The following HBS1L variants were observed in gnomAD, a reference collection of about 807,000 sequenced individuals.
The protein encoded by HBS1L is HBS1-like protein.
A neutral mutation model predicts 88.9 loss-of-function variants in HBS1L; 55 were observed. That is an observed-to-expected ratio of 0.62 (90% CI 0.50 to 0.77). The LOEUF (loss-of-function observed/expected upper bound fraction) is 0.77. HBS1L is among the 30% of genes least tolerant of loss of function. HBS1L has a pLI of 0.00. For missense variants in HBS1L, 741 were observed against 829.3 expected, an observed-to-expected ratio of 0.89 and a Z score of 1.31; for synonymous variants, 267 against 288.5, an observed-to-expected ratio of 0.93 and a Z score of 0.76.
intron 1 of HBS1L, 58 bp from the exon 2 acceptor site, chr6:135,050,705 A>G: frequency 9.3e-7 from 1 of 1,075,692 alleles, no homozygotes; most frequent in Non-Finnish European, 1.4e-6. Flanking sequence ...ATTCTTAGTT[A>G]CTAGTGAGGA....
At position 134,982,442 on chromosome 6, in the gene HBS1L, T is replaced by C; in HGVS notation, c.1597+16A>G. 1 of 1,502,760 alleles carries C rather than the reference T, an allele frequency of 6.7e-7. No individual in the cohort carries two copies. Among genetic ancestry groups the C allele is most frequent in the Non-Finnish European group, 9.3e-7 (1 of 1,080,946 alleles). The allele number at this position is 1,502,760 out of a possible 1,614,324, so 93.1% of individuals were successfully genotyped here. Reference sequence around the variant, plus strand: ...ACTTAAGGCTTGTTTAGCAAAAGCATCTTGCAGATAAATACCTTTCACGGT... The same window carrying C: ...ACTTAAGGCTTGTTTAGCAAAAGCACCTTGCAGATAAATACCTTTCACGGT... On this transcript the variant is annotated intron_variant, in intron 13 of 17. Transcript: ENST00000367837.
Position 135,040,344 on chromosome 6 carries a change from C to CTT in HBS1L, c.236-579_236-578dup, listed in dbSNP as rs71006751. On this transcript the variant is annotated intron_variant, in intron 3 of 17. Transcript: ENST00000367837. ...GGAGATTAAGGGGAGGATAGGCATT[C>CTT]TTTTTTTTTTTTTTTTTTTTTTTTG... 5.5e-3 allele frequency among the ~76,000 whole-genome samples: 604 copies of CTT among 109,942 alleles called. 4 individuals are homozygous for CTT. The highest frequency in any genetic ancestry group is 9.3e-3 in the South Asian group (28 of 3,020). 72.1% of individuals were successfully genotyped at this position (109,942 alleles called of 152,430 possible). A position where few individuals can be genotyped will look rare whatever the true frequency, so the allele number is the denominator to read the frequency against.
intron 16 of HBS1L, among the ~76,000 whole-genome samples, chr6:134,968,438 G>C (rs1326690812): frequency 6.6e-6 from 1 of 151,842 alleles, no homozygotes; most frequent in African/African-American, 2.4e-5. Flanking sequence ...TAGTAGAGAC[G>C]GGGTTTCGCC....
At chr6:135,002,315 T>C (rs935988917) in intron 5 of HBS1L, among the ~76,000 whole-genome samples, 1 of 152,186 alleles carries the variant, frequency 6.6e-6, no homozygotes, top group Non-Finnish European at 1.5e-5. Flanking sequence ...TTATTCAATA[T>C]GAAAATCCAA....
intron 4 of HBS1L, among the ~76,000 whole-genome samples, chr6:135,009,788 T>TGC (rs1008231212): frequency 1.2e-4 from 17 of 145,594 alleles, no homozygotes; most frequent in African/African-American, 4.2e-4. Flanking sequence ...TGCCCGCCAC[T>TGC]GCGCCCAGCT....
intron 15 of HBS1L, among the ~76,000 whole-genome samples, chr6:134,969,630 T>C (rs895458621): frequency 1.3e-5 from 2 of 152,166 alleles, no homozygotes; most frequent in Admixed American, 1.3e-4. Context: ...GGTAACAACA[T>C]CTTAGTGTTG....
chr6:134,990,916 C>T (rs1775114746), intron 8 of HBS1L, among the ~76,000 whole-genome samples: 1 of 152,086 alleles, frequency 6.6e-6, no homozygotes, highest in African/African-American at 2.4e-5. Context: ...GTATTTTTTA[C>T]TACAACTGCT....
chr6:135,022,561 C>T (rs1449294105), intron 4 of HBS1L, among the ~76,000 whole-genome samples: 4 of 152,144 alleles, frequency 2.6e-5, no homozygotes, highest in Non-Finnish European at 5.9e-5. Flanking sequence ...TAAACCACTT[C>T]CTTTACAAAG....
intron 8 of HBS1L, among the ~76,000 whole-genome samples, chr6:134,992,830 T>G (rs1435341223): frequency 6.6e-6 from 1 of 152,216 alleles, no homozygotes; most frequent in Admixed American, 6.5e-5. Context: ...TAGTGTCCCC[T>G]GAGTGTACAG....
intron 2 of HBS1L, among the ~76,000 whole-genome samples, chr6:135,042,349 T>C (rs2114910693): frequency 6.6e-6 from 1 of 152,256 alleles, no homozygotes; most frequent in Middle Eastern, 3.4e-3. Context: ...CTTCCTTCTT[T>C]CCCCCAATCT....
chr6:134,979,475 AAAGTGACTTG>A (rs751971890), intron 13 of HBS1L: 1 of 484,376 alleles, frequency 2.1e-6, no homozygotes, highest in Non-Finnish European at 3.7e-6. Flanking sequence ...CCCTAAACAT[AAAGTGACTTG>A]TATTTGCCCA....
chr6:135,009,759 G>A (rs1180963431), intron 4 of HBS1L, among the ~76,000 whole-genome samples: 5 of 151,502 alleles, frequency 3.3e-5, no homozygotes, highest in East Asian at 1.9e-4. Context: ...TCAGCCTCCC[G>A]AGTAGCTGGG....
chr6:134,999,945 T>A (rs1287477792), intron 5 of HBS1L, among the ~76,000 whole-genome samples: 1 of 152,218 alleles, frequency 6.6e-6, no homozygotes, highest in East Asian at 1.9e-4. Context: ...AATGACCATT[T>A]GGATTTCAGG....
rs370700245 is a variant in HBS1L at position 134,989,799 on chromosome 6, T to C, written c.1084-2008A>G. The stretch of plus-strand genomic sequence containing the variant: ...TAAAACTGAACATTAATTTCCTCAA[T>C]GAGATCCAGCTCTTTTGATCAAGGA... On this transcript the variant is annotated intron_variant, in intron 8 of 17. Coordinates refer to ENST00000367837, the MANE Select transcript of HBS1L (RefSeq NM_006620.4). Among the ~76,000 whole-genome samples, 214 of 152,294 alleles carry C rather than the reference T, an allele frequency of 1.4e-3. 2 individuals carry two copies. The South Asian group carries it at 0.021, about 15-fold the overall frequency.
Position 135,054,561 on chromosome 6 carries a change from G to T in HBS1L, c.43+88C>A, listed in dbSNP as rs1216987882. ...AATCCCGACAGGGCAACACTGACGA[G>T]AAACTCACAGATTGAAGTGGATGCC... On this transcript the variant is annotated intron_variant, in intron 1 of 17. Coordinates refer to ENST00000367837, the MANE Select transcript of HBS1L (RefSeq NM_006620.4). The T allele has an allele frequency of 2.7e-6, 4 of 1,479,750 alleles. No homozygotes were observed. In the African/African-American group the frequency reaches 5.5e-5, roughly 21 times the overall value. 91.7% of individuals were successfully genotyped at this position (1,479,750 alleles called of 1,614,324 possible).
rs76600132 is a variant in HBS1L at position 134,966,679 on chromosome 6, A to C, written c.1899-206T>G. On this transcript the variant is annotated intron_variant, in intron 16 of 17. Transcript: ENST00000367837. ...ATGAGGAGTAATTCTAGATTTAAGA[A>C]ACATTAGGTAGTTCATTTTTACCAA... is the stretch of plus-strand genomic sequence containing the variant. Among the ~76,000 whole-genome samples the C allele has an allele frequency of 1.9e-3, 285 of 147,746 alleles. 2 individuals carry two copies. Among genetic ancestry groups the C allele is most frequent in the Non-Finnish European group, 3.1e-3 (214 of 67,966 alleles).
At chr6:135,038,088 C>G (rs1488519014) in intron 4 of HBS1L, 20 of 1,294,862 alleles carry the variant, frequency 1.5e-5, no homozygotes, top group Admixed American at 6.6e-5. Context: ...AAGACAGTCA[C>G]AGCAACCAAA....
intron 16 of HBS1L, among the ~76,000 whole-genome samples, chr6:134,968,315 C>CACCG (rs903957733): frequency 7.9e-5 from 12 of 151,322 alleles, no homozygotes; most frequent in African/African-American, 2.9e-4. Context: ...GTGGTGCGAT[C>CACCG]ACCGCTCACT....
intron 8 of HBS1L, among the ~76,000 whole-genome samples, chr6:134,991,138 G>A (rs1204249470): frequency 6.6e-6 from 1 of 151,362 alleles, no homozygotes; most frequent in Admixed American, 6.6e-5. Flanking sequence ...TAAATGCAAT[G>A]AGAAGTACAG....
Sources: gnomAD v4.1 joint callset for allele counts (sites outside exome capture counted in the v4.1 genomes callset) on GRCh38, gnomAD v4.1.1 for gene constraint, MANE v1.5 for transcripts, NCBI Gene and HGNC (gene_info 2026-07-23, HGNC 2026-07-21) for gene names.